The following KHDRBS2 variants were observed in gnomAD, a reference collection of about 807,000 sequenced individuals.
The protein encoded by KHDRBS2 is KH domain-containing, RNA-binding, signal transduction-associated protein 2.
In KHDRBS2, 26 loss-of-function variants were observed where a neutral mutation model predicts 44.3. The ratio of observed to expected loss-of-function variants is 0.59; its 90% CI spans 0.43 to 0.81. The LOEUF is 0.81. KHDRBS2 is among the 40% of genes least tolerant of loss of function. KHDRBS2 has a pLI of 0.00. For missense variants in KHDRBS2, 476 were observed against 433.1 expected (o/e 1.10, Z -0.88); for synonymous variants, 194 against 151.1 (o/e 1.28, Z -2.08).
At chr6:62,181,026 C>A (rs576219639) in intron 1 of KHDRBS2, among the ~76,000 whole-genome samples, 88 of 138,136 alleles carry the variant, frequency 6.4e-4, no homozygotes, top group Admixed American at 7.4e-4. Context: ...TTACACTGCA[C>A]AAAAAAAAAA....
intron 1 of KHDRBS2, among the ~76,000 whole-genome samples, chr6:62,224,611 C>A (rs1453451742): frequency 6.6e-6 from 1 of 152,162 alleles, no homozygotes; most frequent in Non-Finnish European, 1.5e-5. Flanking sequence ...TTGGCATACA[C>A]AATTTTCTCC....
intron 2 of KHDRBS2, among the ~76,000 whole-genome samples, chr6:62,071,640 C>T (rs750698914): frequency 1.3e-5 from 2 of 152,142 alleles, no homozygotes; most frequent in Non-Finnish European, 2.9e-5. Context: ...TGTCAAAGAT[C>T]AGATAGCTGT....
chr6:61,820,401 T>G (rs945750479), intron 6 of KHDRBS2, among the ~76,000 whole-genome samples: 1 of 151,762 alleles, frequency 6.6e-6, no homozygotes, highest in African/African-American at 2.4e-5. Flanking sequence ...AATATAAGAT[T>G]TTGGGCTTGA....
At chr6:62,194,665 C>A (rs908175294) in intron 1 of KHDRBS2, among the ~76,000 whole-genome samples, 1 of 151,368 alleles carries the variant, frequency 6.6e-6, no homozygotes, top group Admixed American at 6.6e-5. Flanking sequence ...CCACACCACA[C>A]CCAGCTAACT....
At chr6:61,722,420 T>C (rs1400267445) in intron 7 of KHDRBS2, among the ~76,000 whole-genome samples, 1 of 152,146 alleles carries the variant, frequency 6.6e-6, no homozygotes, top group African/African-American at 2.4e-5. Context: ...TGTTACCTTG[T>C]GAACCTCCTC....
chr6:61,881,407 C>CT (rs1397878913), intron 6 of KHDRBS2, among the ~76,000 whole-genome samples: 1 of 150,954 alleles, frequency 6.6e-6, no homozygotes, highest in African/African-American at 2.5e-5. Flanking sequence ...GCATGATAGT[C>CT]TTTTGCATTC....
intron 2 of KHDRBS2, among the ~76,000 whole-genome samples, chr6:62,168,817 T>G (rs139358388): frequency 1.3e-5 from 2 of 151,814 alleles, no homozygotes; most frequent in East Asian, 3.9e-4. Context: ...TACAAACAAC[T>G]TACTATAAGA....
intron 6 of KHDRBS2, among the ~76,000 whole-genome samples, chr6:61,808,861 G>A (rs961976798): frequency 6.7e-6 from 1 of 150,186 alleles, no homozygotes; most frequent in African/African-American, 2.4e-5. Context: ...ATTTTTACAT[G>A]AATTAAAACA....
At chr6:62,104,126 C>A (rs1316466410) in intron 2 of KHDRBS2, among the ~76,000 whole-genome samples, 3 of 152,194 alleles carry the variant, frequency 2.0e-5, no homozygotes, top group Admixed American at 6.5e-5. Context: ...AAAGCACTAA[C>A]AATTTAGAAT....
chr6:62,080,808 T>C (rs1395624811), intron 2 of KHDRBS2, among the ~76,000 whole-genome samples: 2 of 152,040 alleles, frequency 1.3e-5, no homozygotes, highest in Non-Finnish European at 1.5e-5. Flanking sequence ...GAGAGTAGGA[T>C]AGAGTAACTG....
chr6:61,719,588 G>T (rs1310819721), intron 7 of KHDRBS2, among the ~76,000 whole-genome samples: 3 of 152,042 alleles, frequency 2.0e-5, no homozygotes, highest in Admixed American at 2.0e-4. Context: ...CCTGGAAACT[G>T]TAATACTAGC....
At chr6:62,208,553 T>C (rs1828441144) in intron 1 of KHDRBS2, among the ~76,000 whole-genome samples, 1 of 152,220 alleles carries the variant, frequency 6.6e-6, no homozygotes, top group Admixed American at 6.6e-5. Context: ...GGAATGCAGA[T>C]ACCTTTATGA....
At chr6:62,096,663 G>A (rs764283014) in intron 2 of KHDRBS2, among the ~76,000 whole-genome samples, 16 of 151,442 alleles carry the variant, frequency 1.1e-4, no homozygotes, top group African/African-American at 2.4e-4. Context: ...TCAAAAAACC[G>A]GGTTTTCATT....
At chr6:61,750,495 T>G (rs1019626043) in intron 6 of KHDRBS2, among the ~76,000 whole-genome samples, 78 of 152,174 alleles carry the variant, frequency 5.1e-4, no homozygotes, top group African/African-American at 1.8e-3. Flanking sequence ...TGTTCTTATA[T>G]TTACTGCATT....
At chr6:61,957,369 G>A (rs193081300) in intron 4 of KHDRBS2, among the ~76,000 whole-genome samples, 82 of 152,308 alleles carry the variant, frequency 5.4e-4, no homozygotes, top group African/African-American at 1.7e-3. Context: ...GACTGCCGGT[G>A]AGCCAGGTGG....
intron 7 of KHDRBS2, among the ~76,000 whole-genome samples, chr6:61,703,341 T>G (rs544115344): frequency 1.3e-4 from 20 of 151,876 alleles, no homozygotes; most frequent in South Asian, 2.1e-4. Flanking sequence ...GAGCTTTTGA[T>G]ATACATGGTG....
intron 6 of KHDRBS2, among the ~76,000 whole-genome samples, chr6:61,781,758 C>T (rs191526995): frequency 2.0e-5 from 3 of 152,072 alleles, no homozygotes; most frequent in Admixed American, 6.6e-5. Context: ...CCTTCCCTCC[C>T]GAAAATTTTG....
Position 61,894,797 on chromosome 6 carries a change from A to G in KHDRBS2, c.648T>C (p.Pro216=). The change falls in exon 6 of 9, where the codon CCT becomes CCC. Residue 216 remains proline, a synonymous_variant. Transcript: ENST00000281156. ...CCCGAGGGGTGAGAACACCTCGTCC[A>G]GGTGGTGGGGGAGGAGGAATGGCAC... The part of the protein sequence containing the change: ...RGGAIPPPPP[P]GRGVLTPRGS... 3 of 1,612,712 alleles carry G rather than the reference A, an allele frequency of 1.9e-6. No homozygotes were observed. Among genetic ancestry groups the G allele is most frequent in the Non-Finnish European group, 2.5e-6 (3 of 1,179,516 alleles).
intron 4 of KHDRBS2, among the ~76,000 whole-genome samples, chr6:61,948,900 C>T (rs4710317): frequency 1.3e-5 from 2 of 151,616 alleles, no homozygotes; most frequent in Non-Finnish European, 2.9e-5. Flanking sequence ...AGCCTTTATG[C>T]CCCACTTTTC....
Sources: gnomAD v4.1 joint callset for allele counts (sites outside exome capture counted in the v4.1 genomes callset) on GRCh38, gnomAD v4.1.1 for gene constraint, MANE v1.5 for transcripts, NCBI Gene and HGNC (gene_info 2026-07-23, HGNC 2026-07-21) for gene names.